FAM20A: variants seen among roughly 807,000 people sequenced by gnomAD.
FAM20A encodes pseudokinase FAM20A.
A neutral mutation model predicts 52.0 loss-of-function variants in FAM20A; 42 were observed. The observed-to-expected ratio is 0.81, with a 90% CI of 0.63 to 1.04. FAM20A has a LOEUF of 1.04. FAM20A is among the 50% of genes least tolerant of loss of function. The pLI, the probability that FAM20A is intolerant of heterozygous loss-of-function variation, is 0.00. For missense variants in FAM20A, 742 were observed against 712.7 expected, an observed-to-expected ratio of 1.04 and a Z score of -0.47; for synonymous variants, 304 against 298.9, an observed-to-expected ratio of 1.02 and a Z score of -0.18.
At chr17:68,596,903 T>C (rs112047399) in intron 1 of FAM20A, among the ~76,000 whole-genome samples, 42 of 152,084 alleles carry the variant, frequency 2.8e-4, no homozygotes, top group African/African-American at 8.7e-4. Context: ...GAACAGTGAG[T>C]GAAGGAGGTT....
chr17:68,550,457 C>T (rs1005086161), intron 4 of FAM20A, among the ~76,000 whole-genome samples: 3 of 148,206 alleles, frequency 2.0e-5, no homozygotes, highest in African/African-American at 5.0e-5. Context: ...CTCAGCTCAC[C>T]GCAACCTCCT....
At chr17:68,598,189 A>G (rs2088509717) in intron 1 of FAM20A, 1 of 151,578 alleles carries the variant, frequency 6.6e-6, no homozygotes, top group Non-Finnish European at 1.5e-5. Flanking sequence ...GTTTTTTGAG[A>G]CGACATCTTA....
In FAM20A at chr17:68,536,172, C is replaced by T. The variant is rs1441766021; in HGVS notation, c.*1305G>A. Reference sequence around the variant, plus strand: ...CCAGTCGAGGCTATCTTTGCTCACACTGCAGAAAGCTTGGAGACATTTCTG... The same window carrying T: ...CCAGTCGAGGCTATCTTTGCTCACATTGCAGAAAGCTTGGAGACATTTCTG... On this transcript the variant is annotated 3_prime_UTR_variant, in exon 11 of 11. Coordinates refer to ENST00000592554, the MANE Select transcript of FAM20A (RefSeq NM_017565.4). 1 of 454,038 alleles carries T rather than the reference C, an allele frequency of 2.2e-6. No individual in the cohort carries two copies. The highest frequency in any genetic ancestry group is 2.0e-5 in the African/African-American group (1 of 50,022). The allele number at this position is 454,038 out of a possible 1,614,324, so 28.1% of individuals were successfully genotyped here.
chr17:68,554,581 C>T (rs778414915), intron 3 of FAM20A, among the ~76,000 whole-genome samples, 196 bp downstream of exon 3: 2 of 152,194 alleles, frequency 1.3e-5, no homozygotes, highest in Non-Finnish European at 2.9e-5. Flanking sequence ...CATTGCCCAG[C>T]GGGGCCTATA....
rs2086098197 is a variant in FAM20A, at chr17:68,536,439, G to GAAGGT, written c.*1033_*1037dup. The GAAGGT allele has an allele frequency of 2.2e-6, 1 of 454,042 alleles. No homozygotes were observed. Among genetic ancestry groups the GAAGGT allele is most frequent in the African/African-American group, 2.0e-5 (1 of 50,028 alleles). 28.1% of individuals were successfully genotyped at this position (454,042 alleles called of 1,614,324 possible). ...GTTTCAGATATCAACAAGTCAGGGA[G>GAAGGT]AAGGTAGAGGAGACAAGGAATCCCT... On this transcript the variant is annotated 3_prime_UTR_variant, in exon 11 of 11. Coordinates refer to ENST00000592554, the MANE Select transcript of FAM20A (RefSeq NM_017565.4).
At chr17:68,545,952 G>A (rs1362819664) in intron 4 of FAM20A, among the ~76,000 whole-genome samples, 2 of 152,004 alleles carry the variant, frequency 1.3e-5, no homozygotes, top group East Asian at 1.9e-4. Context: ...GGTGGATCAC[G>A]AGGTCAGGTG....
At chr17:68,541,612 A>G (rs2086297496) in intron 7 of FAM20A, 1 of 200,346 alleles carries the variant, frequency 5.0e-6, no homozygotes, top group Middle Eastern at 1.9e-3. Flanking sequence ...TTGCTCGGGA[A>G]CCAGGTGTCC....
chr17:68,600,801 C>A lies in FAM20A; in HGVS notation c.-135G>T. On this transcript the variant is annotated 5_prime_UTR_variant, in exon 1 of 11. Coordinates refer to ENST00000592554, the MANE Select transcript of FAM20A (RefSeq NM_017565.4). This position sits in a 1 kb window ranked among gnomAD's most constrained non-coding sequence, Gnocchi z 6.2. The stretch of plus-strand genomic sequence containing the variant: ...GGGTCAGTGAGACCGGAATGCTCCC[C>A]GCGCGGGCTAGTCCCCTGTGGAGGG... The A allele has an allele frequency of 1.0e-6, 1 of 982,776 alleles. No homozygotes were observed. The highest frequency in any genetic ancestry group is 1.5e-6 in the Non-Finnish European group (1 of 687,934). 60.9% of individuals were successfully genotyped at this position (982,776 alleles called of 1,614,324 possible). A position where few individuals can be genotyped will look rare whatever the true frequency, so the allele number is the denominator to read the frequency against.
At chr17:68,548,528 T>G (rs938767713) in intron 4 of FAM20A, among the ~76,000 whole-genome samples, 1 of 149,724 alleles carries the variant, frequency 6.7e-6, no homozygotes, top group African/African-American at 2.5e-5. Context: ...AGACTCTGTC[T>G]CAAAAAAAAA....
intron 8 of FAM20A, chr17:68,540,647 C>G: frequency 2.8e-6 from 2 of 706,722 alleles, no homozygotes; most frequent in South Asian, 3.0e-5. Context: ...GTGACGACCC[C>G]TTGAGCTTCT....
chr17:68,595,892 G>A (rs951533680), intron 1 of FAM20A, among the ~76,000 whole-genome samples: 4 of 152,106 alleles, frequency 2.6e-5, no homozygotes, highest in African/African-American at 9.7e-5. Flanking sequence ...GGGGAGCTGG[G>A]GCAGGGAGGA....
intron 1 of FAM20A, among the ~76,000 whole-genome samples, chr17:68,599,704 T>G (rs1025514580): frequency 1.3e-5 from 2 of 152,198 alleles, no homozygotes; most frequent in African/African-American, 4.8e-5. Flanking sequence ...CTGCCTCAGA[T>G]GACCCCCTTG....
chr17:68,552,524 T>C (rs2086882171), intron 3 of FAM20A, among the ~76,000 whole-genome samples: 1 of 152,146 alleles, frequency 6.6e-6, no homozygotes, highest in Non-Finnish European at 1.5e-5. Context: ...TTTTGCATCC[T>C]GGGCACCTCA....
intron 1 of FAM20A, among the ~76,000 whole-genome samples, chr17:68,580,460 A>G (rs2087911197): frequency 6.6e-6 from 1 of 152,216 alleles, no homozygotes; most frequent in Non-Finnish European, 1.5e-5. Context: ...CTATGTTGCA[A>G]TGCACCTCTT....
At position 68,543,853 on chromosome 17, in the gene FAM20A, C is replaced by T. The variant is rs147089593; in HGVS notation, c.720-132G>A. 7.0e-4 allele frequency: 556 copies of T among 792,944 alleles called. 3 individuals are homozygous for T. The highest frequency in any genetic ancestry group is 5.5e-3 in the African/African-American group (325 of 59,466). 49.1% of individuals were successfully genotyped at this position (792,944 alleles called of 1,614,324 possible). A position where few individuals can be genotyped will look rare whatever the true frequency, so the allele number is the denominator to read the frequency against. On this transcript the variant is annotated intron_variant, in intron 4 of 10. Transcript: ENST00000592554. ...TTTCATGTACACACAGGCGATGGCA[C>T]GGCAAGTCAGGAATGGCCTGTGGCT...
intron 4 of FAM20A, among the ~76,000 whole-genome samples, chr17:68,546,671 A>G (rs1218362832): frequency 2.0e-5 from 3 of 152,056 alleles, no homozygotes; most frequent in Non-Finnish European, 2.9e-5. Flanking sequence ...TCTACTAAAA[A>G]TACAAAAAAT....
intron 1 of FAM20A, among the ~76,000 whole-genome samples, chr17:68,592,461 G>A (rs1377154916): frequency 6.6e-6 from 1 of 152,148 alleles, no homozygotes. Flanking sequence ...CTGTCCCTCC[G>A]TATATATTCC....
chr17:68,585,801 T>C (rs1352972690), intron 1 of FAM20A, among the ~76,000 whole-genome samples: 1 of 152,208 alleles, frequency 6.6e-6, no homozygotes. Context: ...TGGAATTTGC[T>C]GTGGGGCACA....
At chr17:68,550,989 C>A in intron 4 of FAM20A, 1 of 1,077,910 alleles carries the variant, frequency 9.3e-7, no homozygotes, top group Non-Finnish European at 1.2e-6. Context: ...TTGGAATCTG[C>A]CAGTCTAATT....
Sources: allele counts gnomAD v4.1 joint callset (sites outside exome capture counted in the v4.1 genomes callset), GRCh38; gene constraint gnomAD v4.1.1; non-coding constraint Gnocchi (gnomAD v3.1); transcripts MANE v1.5; gene names NCBI Gene and HGNC (gene_info 2026-07-23, HGNC 2026-07-21).